The following PTPRD variants were observed in gnomAD, a reference collection of about 807,000 sequenced individuals.
PTPRD encodes protein tyrosine phosphatase receptor type D.
A neutral mutation model predicts 214.5 loss-of-function variants in PTPRD; 34 were observed. The ratio of observed to expected loss-of-function variants is 0.16; its 90% CI spans 0.12 to 0.21. PTPRD has a LOEUF of 0.21. PTPRD is among the 10% of genes least tolerant of loss of function. The pLI is 1.00. For missense variants in PTPRD, 2,545 were observed against 2,398.7 expected, an observed-to-expected ratio of 1.06 and a Z score of -1.27; for synonymous variants, 1,128 against 845.7, an observed-to-expected ratio of 1.33 and a Z score of -5.79.
At position 9,751,551 on chromosome 9, in the gene PTPRD, G is replaced by A. The variant is rs2098519731; in HGVS notation, c.-326+15259C>T. ...TTCTTTGGAAAGAGAAACTTTAACAGAGGAAATCAAATTAAAATGAGGTCA... is the reference window on the plus strand; with the variant it reads ...TTCTTTGGAAAGAGAAACTTTAACAAAGGAAATCAAATTAAAATGAGGTCA... On this transcript the variant is annotated intron_variant, in intron 6 of 45. Coordinates refer to ENST00000381196, the MANE Select transcript of PTPRD (RefSeq NM_002839.4). Among the ~76,000 whole-genome samples, 3 of 152,162 alleles carry A rather than the reference G, an allele frequency of 2.0e-5. No homozygotes were observed. The South Asian group carries it at 6.2e-4, about 31-fold the overall frequency.
At chr9:9,673,096 C>A (rs916868808) in intron 7 of PTPRD, among the ~76,000 whole-genome samples, 4 of 151,976 alleles carry the variant, frequency 2.6e-5, no homozygotes, top group Non-Finnish European at 5.9e-5. Flanking sequence ...GGCTGACAAA[C>A]AGGTACAAAT....
chr9:10,125,654 G>GTC (rs1283528051), intron 3 of PTPRD, among the ~76,000 whole-genome samples: 4 of 149,440 alleles, frequency 2.7e-5, no homozygotes, highest in Middle Eastern at 3.4e-3. Flanking sequence ...GTGTGTGTGT[G>GTC]TGTATTTTTA....
At chr9:9,574,968 A>G (rs979544862) in intron 7 of PTPRD, among the ~76,000 whole-genome samples, 187 bp from the exon 8 acceptor site, 1 of 152,162 alleles carries the variant, frequency 6.6e-6, no homozygotes, top group African/African-American at 2.4e-5. Flanking sequence ...CTCATCTTAC[A>G]TCAAAGTATT....
intron 10 of PTPRD, among the ~76,000 whole-genome samples, chr9:9,100,181 G>A (rs771803751): frequency 5.9e-5 from 9 of 152,050 alleles, no homozygotes; most frequent in Non-Finnish European, 1.0e-4. Flanking sequence ...CCTGGGTAGT[G>A]AATAAAGAGA....
intron 8 of PTPRD, among the ~76,000 whole-genome samples, chr9:9,454,169 T>C (rs2092656193): frequency 1.3e-5 from 2 of 151,796 alleles, no homozygotes; most frequent in Admixed American, 1.3e-4. Context: ...TGAGCATCTT[T>C]GAGTTGTTAG....
intron 10 of PTPRD, among the ~76,000 whole-genome samples, chr9:9,161,570 A>G (rs554967165): frequency 1.3e-5 from 2 of 152,268 alleles, no homozygotes; most frequent in East Asian, 3.9e-4. Flanking sequence ...ACAAAATTCA[A>G]GAAGTGAAAA....
At chr9:9,942,863 T>C (rs975536587) in intron 4 of PTPRD, among the ~76,000 whole-genome samples, 1 of 151,744 alleles carries the variant, frequency 6.6e-6, no homozygotes, top group Non-Finnish European at 1.5e-5. Context: ...ATGAAAGCCA[T>C]TAACTACGTC....
rs182135736 is a variant in PTPRD at position 9,533,163 on chromosome 9, A to T, written c.-237+41569T>A. Among the ~76,000 whole-genome samples, 534 of 152,232 alleles carry T rather than the reference A, an allele frequency of 3.5e-3. 4 individuals carry two copies. Among genetic ancestry groups the T allele is most frequent in the Non-Finnish European group, 4.4e-3 (297 of 67,992 alleles). ...TCTCTTGATAGTGTGAGGGCTCCTT[A>T]AGGAGGGCATATGTTTTCTTCATTT... On this transcript the variant is annotated intron_variant, in intron 8 of 45. Coordinates refer to ENST00000381196, the MANE Select transcript of PTPRD (RefSeq NM_002839.4).
chr9:10,180,604 CA>C (rs1288616582), intron 3 of PTPRD, among the ~76,000 whole-genome samples: 9,475 of 76,128 alleles, frequency 0.12, 283 homozygotes, highest in Admixed American at 0.19. Flanking sequence ...AGATAAAGTA[CA>C]AAAAAAAAAA....
chr9:8,929,241 G>A (rs1229222294), intron 11 of PTPRD, among the ~76,000 whole-genome samples: 3 of 152,148 alleles, frequency 2.0e-5, no homozygotes, highest in Non-Finnish European at 4.4e-5. Flanking sequence ...TAGAAGTAGT[G>A]AGGGAGGGCA....
rs536093031 is a variant in PTPRD, at chr9:9,980,532, C to T, written c.-471-41922G>A. 5.2e-5 allele frequency among the ~76,000 whole-genome samples: 7 copies of T among 134,966 alleles called. No individual in the cohort carries two copies. The South Asian group carries it at 1.3e-3, about 24-fold the overall frequency. The allele number at this position is 134,966 out of a possible 152,430, so 88.5% of individuals were successfully genotyped here. A position where few individuals can be genotyped will look rare whatever the true frequency, so the allele number is the denominator to read the frequency against. ...CTGAGGTCGGAGAATCGCTTGAACCCGGGGGGGCAAAGGTTGCAGTGAGCA... is the reference window on the plus strand; with the variant it reads ...CTGAGGTCGGAGAATCGCTTGAACCTGGGGGGGCAAAGGTTGCAGTGAGCA... On this transcript the variant is annotated intron_variant, in intron 4 of 45. Transcript: ENST00000381196.
intron 11 of PTPRD, among the ~76,000 whole-genome samples, chr9:8,777,171 G>C (rs1016936004): frequency 5.3e-5 from 8 of 151,596 alleles, no homozygotes; most frequent in Admixed American, 2.0e-4. Context: ...TAGAGATGGG[G>C]GTCTTACTAT....
At chr9:9,706,344 A>C (rs1225855438) in intron 7 of PTPRD, among the ~76,000 whole-genome samples, 1 of 152,160 alleles carries the variant, frequency 6.6e-6, no homozygotes, top group African/African-American at 2.4e-5. Context: ...ATTTCTCATG[A>C]AGTTTCCTTC....
chr9:9,379,482 C>T (rs2061605765), intron 9 of PTPRD, among the ~76,000 whole-genome samples: 1 of 151,844 alleles, frequency 6.6e-6, no homozygotes, highest in African/African-American at 2.4e-5. Flanking sequence ...AGTCCTCCAA[C>T]TTTGTTCTTC....
intron 9 of PTPRD, among the ~76,000 whole-genome samples, chr9:9,329,605 CCTT>C (rs1222707457): frequency 2.6e-5 from 4 of 152,128 alleles, no homozygotes; most frequent in Non-Finnish European, 4.4e-5. Context: ...TACAGAAAAA[CCTT>C]CTATCTTCTG....
At chr9:10,062,248 G>A (rs1221078038) in intron 3 of PTPRD, among the ~76,000 whole-genome samples, 5 of 152,160 alleles carry the variant, frequency 3.3e-5, no homozygotes, top group Middle Eastern at 3.4e-3. Context: ...TATCCACAGC[G>A]TGATAAGTAA....
chr9:9,591,141 C>T (rs547086032), intron 7 of PTPRD, among the ~76,000 whole-genome samples: 6 of 146,544 alleles, frequency 4.1e-5, no homozygotes, highest in South Asian at 2.1e-4. Flanking sequence ...TCTAATCACA[C>T]GAATCCTTAA....
At chr9:8,876,222 G>C (rs2098388044) in intron 11 of PTPRD, among the ~76,000 whole-genome samples, 1 of 90,780 alleles carries the variant, frequency 1.1e-5, no homozygotes, top group South Asian at 5.0e-4. Context: ...GTATGTGTGT[G>C]TGTGTTGTTG....
chr9:8,380,575 G>C (rs1035596191), intron 37 of PTPRD, among the ~76,000 whole-genome samples: 5 of 152,172 alleles, frequency 3.3e-5, no homozygotes, highest in African/African-American at 7.2e-5. Flanking sequence ...ATTACGGAAA[G>C]AACAGGGTGA....
Sources: gnomAD v4.1 joint callset for allele counts (sites outside exome capture counted in the v4.1 genomes callset) on GRCh38, gnomAD v4.1.1 for gene constraint, MANE v1.5 for transcripts, NCBI Gene and HGNC (gene_info 2026-07-23, HGNC 2026-07-21) for gene names.